LRRC37A2: variants seen among roughly 807,000 people sequenced by gnomAD.
LRRC37A2 encodes the protein leucine rich repeat containing 37 member A2, also known as leucine-rich repeat-containing protein 37A2.
In LRRC37A2, 9 loss-of-function variants were observed where a neutral mutation model predicts 68.8. The observed-to-expected ratio is 0.13, with a 90% CI of 0.08 to 0.23. LRRC37A2 has a LOEUF of 0.23. Ranked by LOEUF, LRRC37A2 falls within the 10% of genes least tolerant of loss-of-function variation. The pLI, the probability that LRRC37A2 is intolerant of heterozygous loss-of-function variation, is 1.00. For synonymous variants in LRRC37A2, 63 were observed against 367.6 expected, an observed-to-expected ratio of 0.17 and a Z score of 9.48; for missense variants, 168 against 950.4, an observed-to-expected ratio of 0.18 and a Z score of 10.82.
the LRRC37A2 span, among the ~76,000 whole-genome samples, chr17:47,031,624 A>C: frequency 6.9e-6 from 1 of 145,930 alleles, no homozygotes; most frequent in Non-Finnish European, 1.5e-5. Flanking sequence ...CAGATAGAGT[A>C]CACTCATATA....
the LRRC37A2 span, chr17:46,818,694 A>T: frequency 8.1e-7 from 1 of 1,229,620 alleles, no homozygotes; most frequent in Non-Finnish European, 1.2e-6. Context: ...ATTGGAAATG[A>T]CTTTCGGGCT....
At chr17:46,516,728 TTTG>T (rs1214837422) in intron 2 of LRRC37A2, 1 of 163,374 alleles carries the variant, frequency 6.1e-6, no homozygotes, top group Non-Finnish European at 1.3e-5. Context: ...ATTATTTTAT[TTTG>T]TTTTTTGCAT....
At chr17:46,679,927 A>G in the LRRC37A2 span, among the ~76,000 whole-genome samples, 1 of 147,492 alleles carries the variant, frequency 6.8e-6, no homozygotes, top group Non-Finnish European at 1.5e-5. Flanking sequence ...CAGAATGTAA[A>G]GTGCCTAGGA....
At chr17:46,797,360 G>T in the LRRC37A2 span, among the ~76,000 whole-genome samples, 1 of 152,220 alleles carries the variant, frequency 6.6e-6, no homozygotes, top group African/African-American at 2.4e-5. Flanking sequence ...GCAGCTCCAG[G>T]CTGGGTTTTG....
At chr17:46,598,636 G>A in the LRRC37A2 span, among the ~76,000 whole-genome samples, 2 of 152,026 alleles carry the variant, frequency 1.3e-5, no homozygotes, top group East Asian at 3.9e-4. Flanking sequence ...AAAATTTGTC[G>A]AATCTAGTGT....
At chr17:46,919,790 T>C in the LRRC37A2 span, among the ~76,000 whole-genome samples, 1 of 151,898 alleles carries the variant, frequency 6.6e-6, no homozygotes, top group Non-Finnish European at 1.5e-5. Context: ...CTACTAAAAA[T>C]ACAAAAATTA....
chr17:46,924,970 A>G, the LRRC37A2 span, among the ~76,000 whole-genome samples: 1 of 152,192 alleles, frequency 6.6e-6, no homozygotes, highest in Admixed American at 6.5e-5. Flanking sequence ...CTTTATTTAG[A>G]GAGTCTTAGA....
the LRRC37A2 span, among the ~76,000 whole-genome samples, chr17:46,891,965 C>T: frequency 1.4e-5 from 2 of 140,822 alleles, no homozygotes; most frequent in African/African-American, 2.7e-5. Flanking sequence ...TGTCACCCAG[C>T]CTGGAGTGCA....
the LRRC37A2 span, among the ~76,000 whole-genome samples, chr17:46,789,097 G>A: frequency 6.6e-6 from 1 of 152,198 alleles, no homozygotes; most frequent in East Asian, 1.9e-4. Flanking sequence ...GCCTTATGCT[G>A]GACGCCGGGA....
At chr17:46,801,036 G>A in the LRRC37A2 span, among the ~76,000 whole-genome samples, 1 of 152,164 alleles carries the variant, frequency 6.6e-6, no homozygotes. Flanking sequence ...AACTCACTGA[G>A]TACACACCTG....
chr17:46,966,904 T>A, the LRRC37A2 span: 1 of 396,394 alleles, frequency 2.5e-6, no homozygotes, highest in Non-Finnish European at 4.4e-6. Flanking sequence ...TAAAGGGAAA[T>A]CATTTTCATG....
At chr17:46,996,655 A>C in the LRRC37A2 span, among the ~76,000 whole-genome samples, 11 of 152,068 alleles carry the variant, frequency 7.2e-5, no homozygotes, top group African/African-American at 2.4e-4. Context: ...TTTATTATTA[A>C]TTTCTTTAGA....
At chr17:46,913,266 A>G in the LRRC37A2 span, among the ~76,000 whole-genome samples, 1 of 152,254 alleles carries the variant, frequency 6.6e-6, no homozygotes, top group East Asian at 1.9e-4. Context: ...ATTTCCAGGC[A>G]ACAGAAGTTT....
chr17:46,489,104 C>T, the LRRC37A2 span, among the ~76,000 whole-genome samples: 3 of 85,326 alleles, frequency 3.5e-5, no homozygotes, highest in Non-Finnish European at 2.5e-5. Context: ...GTTCTGTATC[C>T]TCTCCAACAC....
the LRRC37A2 span, among the ~76,000 whole-genome samples, chr17:46,802,139 A>G: frequency 6.6e-6 from 1 of 152,350 alleles, no homozygotes; most frequent in South Asian, 2.1e-4. Flanking sequence ...AATCCTTAGA[A>G]ACTCCAAAGT....
chr17:46,895,028 G>A, the LRRC37A2 span, among the ~76,000 whole-genome samples: 10 of 152,206 alleles, frequency 6.6e-5, no homozygotes, highest in Non-Finnish European at 1.3e-4. Flanking sequence ...CCGGATCTCG[G>A]CAGAGCAGAC....
the LRRC37A2 span, chr17:46,726,613 T>G: frequency 6.2e-7 from 1 of 1,613,622 alleles, no homozygotes; most frequent in Non-Finnish European, 8.5e-7. Flanking sequence ...GAGAGATTGC[T>G]TGGTGAGTCC....
the LRRC37A2 span, among the ~76,000 whole-genome samples, chr17:47,020,517 C>A: frequency 6.6e-6 from 1 of 150,974 alleles, no homozygotes; most frequent in Non-Finnish European, 1.5e-5. Flanking sequence ...TGGTGGCTCA[C>A]GCCTGTAATC....
At chr17:46,418,092 A>G in the LRRC37A2 span, among the ~76,000 whole-genome samples, 1 of 141,956 alleles carries the variant, frequency 7.0e-6, no homozygotes, top group Non-Finnish European at 1.5e-5. Context: ...CTGATGACTC[A>G]GCTCAGTGGA....
Sources: gnomAD v4.1 joint callset for allele counts (sites outside exome capture counted in the v4.1 genomes callset) on GRCh38, gnomAD v4.1.1 for gene constraint, MANE v1.5 for transcripts, NCBI Gene and HGNC (gene_info 2026-07-23, HGNC 2026-07-21) for gene names.